BAZ1A: variants seen among roughly 807,000 people sequenced by gnomAD.
The protein encoded by BAZ1A is bromodomain adjacent to zinc finger domain protein 1A.
Under a neutral mutation model 185.2 loss-of-function variants are expected in BAZ1A, and 50 were observed. That is an observed-to-expected ratio of 0.27 (90% CI 0.22 to 0.34). The LOEUF is 0.34. Among genes scored for constraint, BAZ1A ranks in the 10% least tolerant of loss-of-function variants. The probability of loss-of-function intolerance (pLI) is 1.00; values close to 1 mark genes in which losing one functional copy is unlikely to be tolerated. For synonymous variants in BAZ1A, 571 were observed against 615.6 expected, an observed-to-expected ratio of 0.93 and a Z score of 1.07; for missense variants, 1,356 against 1,839.9, an observed-to-expected ratio of 0.74 and a Z score of 4.81.
rs1330125644 is a variant in BAZ1A, at chr14:34,785,855, C to T, written c.1753G>A (p.Ala585Thr). ...TTGCTCAAACGAAGCTCCATACAAG[C>T]ATCATCTGTAGCATCAAATCCTCCT... Reference protein sequence around the residue: ...KRGGFDATDDACMELRLSNPS... With the variant: ...KRGGFDATDDTCMELRLSNPS... Residue 585 changes from alanine to threonine, a missense_variant, in exon 14 of 27, where the codon GCT becomes ACT. Coordinates refer to ENST00000360310, the MANE Select transcript of BAZ1A (RefSeq NM_013448.3). 6 of 1,613,976 alleles carry T rather than the reference C, an allele frequency of 3.7e-6. No individual in the cohort carries two copies. Among genetic ancestry groups the T allele is most frequent in the Non-Finnish European group, 5.1e-6 (6 of 1,180,028 alleles).
At chr14:34,839,210 C>T (rs565609150) in intron 3 of BAZ1A, among the ~76,000 whole-genome samples, 81 of 152,108 alleles carry the variant, frequency 5.3e-4, no homozygotes, top group Non-Finnish European at 9.4e-4. Context: ...TTCATAGAAA[C>T]GCTGTGTGTC....
At chr14:34,829,267 GAAAAA>G (rs60176426) in intron 3 of BAZ1A, among the ~76,000 whole-genome samples, 18,070 of 85,200 alleles carry the variant, frequency 0.21, 1,463 homozygotes, top group Non-Finnish European at 0.28. Context: ...CTCTGTCTCT[GAAAAA>G]AAAAAAAAAA....
chr14:34,763,784 T>A (rs532168796), intron 23 of BAZ1A, among the ~76,000 whole-genome samples: 4 of 152,286 alleles, frequency 2.6e-5, no homozygotes, highest in East Asian at 1.9e-4. Context: ...ACTTTTTTTT[T>A]AGACATAGTG....
At chr14:34,858,516 T>C (rs961315982) in intron 3 of BAZ1A, among the ~76,000 whole-genome samples, 4 of 152,284 alleles carry the variant, frequency 2.6e-5, no homozygotes, top group African/African-American at 7.2e-5. Flanking sequence ...GGTTTTGCCA[T>C]GTTGACCAGG....
At chr14:34,808,610 A>G (rs1323868664) in intron 5 of BAZ1A, among the ~76,000 whole-genome samples, 1 of 152,234 alleles carries the variant, frequency 6.6e-6, no homozygotes, top group East Asian at 1.9e-4. Flanking sequence ...AATTGAACAT[A>G]GCTTGTATCA....
intron 12 of BAZ1A, among the ~76,000 whole-genome samples, chr14:34,792,020 G>A (rs940119849): frequency 5.3e-5 from 8 of 152,156 alleles, no homozygotes; most frequent in African/African-American, 1.7e-4. Context: ...ATTTAACTCT[G>A]ATGTAAAAAC....
chr14:34,845,052 T>C (rs2042487005), intron 3 of BAZ1A, among the ~76,000 whole-genome samples: 1 of 152,088 alleles, frequency 6.6e-6, no homozygotes, highest in African/African-American at 2.4e-5. Context: ...ACAAAGACCA[T>C]ATGGACCACA....
At chr14:34,836,548 T>TG (rs540782797) in intron 3 of BAZ1A, among the ~76,000 whole-genome samples, 35 of 152,044 alleles carry the variant, frequency 2.3e-4, no homozygotes, top group Middle Eastern at 3.4e-3. Flanking sequence ...ACCGACCCTC[T>TG]GTTTGGGTCT....
chr14:34,808,673 A>G lies in BAZ1A; in HGVS notation c.639-1135T>C, dbSNP rs553135319. Among the ~76,000 whole-genome samples the G allele has an allele frequency of 2.0e-5, 3 of 152,328 alleles. No homozygotes were observed. The East Asian group carries it at 5.8e-4, about 29-fold the overall frequency. On this transcript the variant is annotated intron_variant, in intron 5 of 26. Transcript: ENST00000360310. ...TCATGACAACCAGCAAATTAGTGGG[A>G]TGAAAATTAAAAGAGGCTTAAAATT...
At chr14:34,844,395 T>C (rs2042469424) in intron 3 of BAZ1A, among the ~76,000 whole-genome samples, 2 of 152,098 alleles carry the variant, frequency 1.3e-5, no homozygotes, top group African/African-American at 4.8e-5. Flanking sequence ...TGGAAACATA[T>C]TCTGTGTTCA....
intron 3 of BAZ1A, among the ~76,000 whole-genome samples, chr14:34,841,161 T>C (rs1479848223): frequency 6.6e-6 from 1 of 152,160 alleles, no homozygotes; most frequent in Non-Finnish European, 1.5e-5. Context: ...ATGGTCAGGA[T>C]GCTCTCAAAC....
intron 10 of BAZ1A, 42 bp downstream of exon 10, chr14:34,795,628 G>A (rs2138641515): frequency 7.2e-7 from 1 of 1,380,710 alleles, no homozygotes; most frequent in East Asian, 2.5e-5. Context: ...CATAGGACAT[G>A]TAAAACCTAT....
At chr14:34,862,988 C>CT (rs372555589) in intron 2 of BAZ1A, among the ~76,000 whole-genome samples, 30,315 of 119,606 alleles carry the variant, frequency 0.25, 4,334 homozygotes, top group Middle Eastern at 0.35. Context: ...TCCACTCTCT[C>CT]TTTTTTTTTT....
At chr14:34,759,722 T>C in intron 24 of BAZ1A, among the ~76,000 whole-genome samples, 1 of 152,136 alleles carries the variant, frequency 6.6e-6, no homozygotes, top group East Asian at 1.9e-4. Flanking sequence ...TCACCTAGGC[T>C]GGAGTGCAGT....
chr14:34,770,967 T>C (rs143520445), intron 21 of BAZ1A, among the ~76,000 whole-genome samples: 2 of 152,100 alleles, frequency 1.3e-5, no homozygotes. Context: ...TAATCTTTGA[T>C]TATTCAAGGT....
chr14:34,768,956 C>G (rs1879035324), intron 21 of BAZ1A, among the ~76,000 whole-genome samples: 1 of 152,006 alleles, frequency 6.6e-6, no homozygotes, highest in African/African-American at 2.4e-5. Context: ...CTACTTTTAG[C>G]AGTATGATTA....
chr14:34,758,391 C>T (rs574460694), intron 25 of BAZ1A, among the ~76,000 whole-genome samples: 117 of 152,028 alleles, frequency 7.7e-4, no homozygotes, highest in African/African-American at 2.7e-3. Flanking sequence ...ACCAGCCTGA[C>T]CAACATGTTG....
At chr14:34,811,881 A>C (rs934863487) in intron 4 of BAZ1A, among the ~76,000 whole-genome samples, 2 of 152,206 alleles carry the variant, frequency 1.3e-5, no homozygotes, top group African/African-American at 2.4e-5. Context: ...CCAAGAATAA[A>C]AATGGAGACA....
intron 12 of BAZ1A, 54 bp from the exon 13 acceptor site, chr14:34,786,275 G>T: frequency 6.8e-7 from 1 of 1,480,238 alleles, no homozygotes; most frequent in South Asian, 1.2e-5. Context: ...GAATATTTGG[G>T]AATAATGCCC....
Sources: gnomAD v4.1 joint callset for allele counts (sites outside exome capture counted in the v4.1 genomes callset) on GRCh38, gnomAD v4.1.1 for gene constraint, MANE v1.5 for transcripts, NCBI Gene and HGNC (gene_info 2026-07-23, HGNC 2026-07-21) for gene names.